Variants in TMEM132D observed in about 807,000 individuals in gnomAD.
TMEM132D encodes the protein mature OL transmembrane protein.
TMEM132D carries 21 observed loss-of-function variants against 62.3 expected under a neutral mutation model. The observed-to-expected ratio is 0.34, with a 90% CI of 0.24 to 0.49. The LOEUF (loss-of-function observed/expected upper bound fraction) is 0.49, where lower values mean the gene tolerates loss of function less well. Among genes scored for constraint, TMEM132D ranks in the 20% least tolerant of loss-of-function variants. The probability of loss-of-function intolerance (pLI) is 0.99; values close to 1 mark genes in which losing one functional copy is unlikely to be tolerated. For missense variants in TMEM132D, 1,346 were observed against 1,402.8 expected (o/e 0.96, Z 0.65); for synonymous variants, 621 against 575.6 (o/e 1.08, Z -1.13).
chr12:129,134,802 C>T (rs1876506403), intron 5 of TMEM132D, among the ~76,000 whole-genome samples: 1 of 152,020 alleles, frequency 6.6e-6, no homozygotes, highest in East Asian at 1.9e-4. Context: ...CATGTCTTTA[C>T]TTCTCCTTCT....
intron 1 of TMEM132D, among the ~76,000 whole-genome samples, chr12:129,731,636 T>C (rs1869241236): frequency 6.6e-6 from 1 of 151,440 alleles, no homozygotes; most frequent in Admixed American, 6.6e-5. Context: ...TATAAGGAAA[T>C]TGAATGTTTT....
intron 3 of TMEM132D, among the ~76,000 whole-genome samples, chr12:129,477,057 G>T (rs537457639): frequency 6.6e-6 from 1 of 152,200 alleles, no homozygotes; most frequent in Non-Finnish European, 1.5e-5. Flanking sequence ...GTTTCAGGAC[G>T]GTGCTTTTCT....
intron 3 of TMEM132D, among the ~76,000 whole-genome samples, chr12:129,465,891 C>G (rs759393955): frequency 2.2e-4 from 33 of 152,150 alleles, no homozygotes; most frequent in Non-Finnish European, 4.4e-4. Context: ...CCACGTTGGC[C>G]AGGCTGGTGT....
intron 1 of TMEM132D, among the ~76,000 whole-genome samples, chr12:129,713,288 G>A (rs1346471218): frequency 6.6e-6 from 1 of 152,132 alleles, no homozygotes; most frequent in Non-Finnish European, 1.5e-5. Flanking sequence ...TTTCTGTACA[G>A]AGTAGTATGT....
chr12:129,379,856 G>A (rs1870889181), intron 3 of TMEM132D, among the ~76,000 whole-genome samples: 1 of 152,148 alleles, frequency 6.6e-6, no homozygotes, highest in Non-Finnish European at 1.5e-5. Context: ...AGGTAAGAGG[G>A]CCACACTTTG....
chr12:129,833,338 T>A (rs1872904004), intron 1 of TMEM132D, among the ~76,000 whole-genome samples: 1 of 152,158 alleles, frequency 6.6e-6, no homozygotes, highest in Non-Finnish European at 1.5e-5. Context: ...TGGTGGTTCA[T>A]GCCTGTAATC....
At chr12:129,209,437 T>C (rs1169132012) in intron 5 of TMEM132D, 83 bp downstream of exon 5, 2 of 1,551,750 alleles carry the variant, frequency 1.3e-6, no homozygotes, top group African/African-American at 2.7e-5. Context: ...GTCCCAGAGG[T>C]CCCAGAGGTC....
chr12:129,776,302 G>C (rs150512363), intron 1 of TMEM132D, among the ~76,000 whole-genome samples: 2 of 152,256 alleles, frequency 1.3e-5, no homozygotes, highest in Non-Finnish European at 2.9e-5. Context: ...GTATGTACAG[G>C]TAATCCCTCT....
intron 3 of TMEM132D, among the ~76,000 whole-genome samples, chr12:129,469,482 T>A (rs538406262): frequency 6.6e-6 from 1 of 152,328 alleles, no homozygotes; most frequent in East Asian, 1.9e-4. Context: ...TGGATGAATG[T>A]TAAATTTTGA....
intron 5 of TMEM132D, among the ~76,000 whole-genome samples, chr12:129,141,946 C>A (rs1302510290): frequency 1.3e-5 from 2 of 149,022 alleles, no homozygotes; most frequent in African/African-American, 4.9e-5. Flanking sequence ...AAAAAAACCC[C>A]AAAACTCTAA....
chr12:129,860,500 T>G (rs1409206990), intron 1 of TMEM132D, among the ~76,000 whole-genome samples: 1 of 152,274 alleles, frequency 6.6e-6, no homozygotes, highest in Non-Finnish European at 1.5e-5. Flanking sequence ...TAAACTCGTC[T>G]GCATCAAACT....
chr12:129,769,329 G>C (rs113488402), intron 1 of TMEM132D, among the ~76,000 whole-genome samples: 124 of 152,260 alleles, frequency 8.1e-4, no homozygotes, highest in African/African-American at 2.7e-3. Flanking sequence ...ATGGCAGCAG[G>C]CAAGAGAGAA....
intron 1 of TMEM132D, among the ~76,000 whole-genome samples, chr12:129,781,489 C>T (rs1162366984): frequency 6.6e-6 from 1 of 152,116 alleles, no homozygotes; most frequent in Non-Finnish European, 1.5e-5. Context: ...ATAAGGTCAT[C>T]CAAAAATACA....
chr12:129,149,231 G>C (rs111291872), intron 5 of TMEM132D, among the ~76,000 whole-genome samples: 7 of 151,566 alleles, frequency 4.6e-5, no homozygotes, highest in African/African-American at 1.7e-4. Context: ...CTGTTGGGGG[G>C]TGGGGGGCAA....
chr12:129,605,404 G>A (rs1420591490), intron 2 of TMEM132D, among the ~76,000 whole-genome samples: 1 of 151,648 alleles, frequency 6.6e-6, no homozygotes, highest in Admixed American at 6.6e-5. Context: ...AATCTCTCAC[G>A]TTATATGGAA....
At chr12:129,290,993 T>C (rs1439886530) in intron 4 of TMEM132D, among the ~76,000 whole-genome samples, 2 of 152,180 alleles carry the variant, frequency 1.3e-5, no homozygotes, top group Non-Finnish European at 2.9e-5. Flanking sequence ...AAGTATAGTG[T>C]CGAAGGTTTC....
chr12:129,609,825 C>A (rs112748032), intron 2 of TMEM132D, among the ~76,000 whole-genome samples: 1 of 152,164 alleles, frequency 6.6e-6, no homozygotes, highest in South Asian at 2.1e-4. Context: ...AGTAAAAACC[C>A]AATATGATTA....
intron 4 of TMEM132D, among the ~76,000 whole-genome samples, chr12:129,289,303 G>A (rs1881383612): frequency 6.6e-6 from 1 of 152,118 alleles, no homozygotes; most frequent in Non-Finnish European, 1.5e-5. Context: ...CAGCACTTTG[G>A]GAGGCCGAGG....
chr12:129,594,457 G>C (rs1878280730), intron 2 of TMEM132D, among the ~76,000 whole-genome samples: 1 of 152,122 alleles, frequency 6.6e-6, no homozygotes, highest in Admixed American at 6.6e-5. Context: ...AGTTGCTTTT[G>C]GTTTCTATGA....
Sources: allele counts gnomAD v4.1 joint callset (sites outside exome capture counted in the v4.1 genomes callset), GRCh38; gene constraint gnomAD v4.1.1; transcripts MANE v1.5; gene names NCBI Gene and HGNC (gene_info 2026-07-23, HGNC 2026-07-21).